The following ROBO2 variants were observed in gnomAD, a reference collection of about 807,000 sequenced individuals.
ROBO2 encodes the protein roundabout homolog 2.
In ROBO2, 53 loss-of-function variants were observed where a neutral mutation model predicts 160.8. That is an observed-to-expected ratio of 0.33 (90% CI 0.26 to 0.41). The LOEUF (loss-of-function observed/expected upper bound fraction) is 0.41, where lower values mean the gene tolerates loss of function less well. Ranked by LOEUF, ROBO2 falls within the 10% of genes least tolerant of loss-of-function variation. The pLI is 1.00. For missense variants in ROBO2, 1,577 were observed against 1,722.4 expected, an observed-to-expected ratio of 0.92 and a Z score of 1.49; for synonymous variants, 664 against 611.7, an observed-to-expected ratio of 1.09 and a Z score of -1.26.
chr3:77,416,313 C>T (rs559376523), intron 2 of ROBO2, among the ~76,000 whole-genome samples: 12 of 152,104 alleles, frequency 7.9e-5, no homozygotes, highest in Non-Finnish European at 1.5e-4. Context: ...TAAGGAAGTT[C>T]TTACTCTGGT....
At chr3:77,096,105 A>C (rs562217131) in intron 1 of ROBO2, among the ~76,000 whole-genome samples, 53 of 152,304 alleles carry the variant, frequency 3.5e-4, no homozygotes, top group African/African-American at 1.3e-3. Context: ...ACATTAAAAC[A>C]TGTATTTTCA....
intron 2 of ROBO2, among the ~76,000 whole-genome samples, chr3:76,843,710 G>A (rs1022248134): frequency 1.3e-5 from 2 of 151,872 alleles, no homozygotes; most frequent in African/African-American, 4.8e-5. Context: ...AGAATCTGGG[G>A]TCGCTCACCA....
intron 2 of ROBO2, among the ~76,000 whole-genome samples, chr3:77,236,933 G>A (rs1472022905): frequency 6.6e-6 from 1 of 152,146 alleles, no homozygotes; most frequent in Non-Finnish European, 1.5e-5. Context: ...GAGTGCAGTG[G>A]TGCAGTCACA....
intron 1 of ROBO2, among the ~76,000 whole-genome samples, chr3:75,928,861 C>CGTGTGTGTGTGTGT (rs60525375): frequency 9.2e-6 from 1 of 109,020 alleles, no homozygotes; most frequent in Non-Finnish European, 1.8e-5. Flanking sequence ...CTGGATAAGA[C>CGTGTGTGTGTGTGT]GTGTGTGTGT....
chr3:77,396,718 G>A (rs759130855), intron 2 of ROBO2, among the ~76,000 whole-genome samples: 4 of 152,080 alleles, frequency 2.6e-5, no homozygotes, highest in African/African-American at 4.8e-5. Context: ...AATGAGGATG[G>A]AGAGTTCAAA....
At chr3:76,685,616 C>T (rs376387577) in intron 2 of ROBO2, among the ~76,000 whole-genome samples, 2 of 152,056 alleles carry the variant, frequency 1.3e-5, no homozygotes, top group African/African-American at 2.4e-5. Flanking sequence ...TTTAAAAACA[C>T]TTTCTAACTA....
At position 76,697,667 on chromosome 3, in the gene ROBO2, T is replaced by A. The variant is rs572865880; in HGVS notation, c.110-400347T>A. On this transcript the variant is annotated intron_variant, in intron 2 of 26. Transcript: ENST00000487694. ...TCTCAAAAAAGAACAAAAATTTACA[T>A]TATAGTAGAAAATGAAAATATTAGA... 8.5e-5 allele frequency among the ~76,000 whole-genome samples: 12 copies of A among 141,270 alleles called. No individual in the cohort carries two copies. In the East Asian group the frequency reaches 2.8e-3, roughly 33 times the overall value. The allele number at this position is 141,270 out of a possible 152,430, so 92.7% of individuals were successfully genotyped here. A position where few individuals can be genotyped will look rare whatever the true frequency, so the allele number is the denominator to read the frequency against.
intron 2 of ROBO2, among the ~76,000 whole-genome samples, chr3:76,155,005 C>T (rs1406844010): frequency 6.6e-6 from 1 of 152,010 alleles, no homozygotes; most frequent in Non-Finnish European, 1.5e-5. Flanking sequence ...TTGAAAATGC[C>T]ATATTAAAGA....
At chr3:76,310,283 G>A (rs1483170397) in intron 2 of ROBO2, among the ~76,000 whole-genome samples, 1 of 152,160 alleles carries the variant, frequency 6.6e-6, no homozygotes, top group East Asian at 1.9e-4. Context: ...TATTTCCATG[G>A]TGATGTACAC....
intron 2 of ROBO2, among the ~76,000 whole-genome samples, chr3:75,996,984 C>T (rs2065748257): frequency 1.3e-5 from 2 of 152,196 alleles, no homozygotes; most frequent in African/African-American, 4.8e-5. Context: ...CAGCACTCTT[C>T]CTTCAGGCTC....
At chr3:77,595,285 G>A in intron 18 of ROBO2, 101 bp downstream of exon 19, 2 of 926,884 alleles carry the variant, frequency 2.2e-6, no homozygotes, top group Admixed American at 2.2e-5. Context: ...TCACTTAAAA[G>A]TCTGAGAATT....
At chr3:76,009,156 G>A (rs569377374) in intron 2 of ROBO2, among the ~76,000 whole-genome samples, 2 of 152,128 alleles carry the variant, frequency 1.3e-5, no homozygotes, top group African/African-American at 2.4e-5. Flanking sequence ...AGGCTGGAGT[G>A]CAGGGGCGCG....
chr3:76,555,020 G>A (rs1560139792), intron 2 of ROBO2, among the ~76,000 whole-genome samples: 1 of 151,412 alleles, frequency 6.6e-6, no homozygotes, highest in African/African-American at 2.4e-5. Flanking sequence ...AAAAAAAAAA[G>A]AACTATATTT....
chr3:76,165,413 T>G (rs2106949840), intron 2 of ROBO2, among the ~76,000 whole-genome samples: 1 of 152,216 alleles, frequency 6.6e-6, no homozygotes, highest in Middle Eastern at 3.4e-3. Flanking sequence ...GGCCTTGCTC[T>G]GGATGAGGCT....
At chr3:77,322,151 G>A (rs547098859) in intron 2 of ROBO2, among the ~76,000 whole-genome samples, 34 of 152,242 alleles carry the variant, frequency 2.2e-4, no homozygotes, top group African/African-American at 7.5e-4. Flanking sequence ...GGCTCCACAC[G>A]TGACTATGAA....
At chr3:76,717,298 A>G (rs911159634) in intron 2 of ROBO2, among the ~76,000 whole-genome samples, 1 of 151,782 alleles carries the variant, frequency 6.6e-6, no homozygotes, top group African/African-American at 2.4e-5. Context: ...TCAAGACCAG[A>G]CTGGCCAAGA....
At chr3:77,094,033 A>C (rs779037177) in intron 1 of ROBO2, among the ~76,000 whole-genome samples, 1 of 152,212 alleles carries the variant, frequency 6.6e-6, no homozygotes, top group Non-Finnish European at 1.5e-5. Context: ...AAAATATAAT[A>C]ATCTTTATTA....
chr3:77,384,715 CAT>C (rs2073919325), intron 2 of ROBO2, among the ~76,000 whole-genome samples: 1 of 152,108 alleles, frequency 6.6e-6, no homozygotes, highest in African/African-American at 2.4e-5. Context: ...TTTTAAAACT[CAT>C]ATGACATTTT....
chr3:75,974,968 T>C (rs953287725), intron 2 of ROBO2, among the ~76,000 whole-genome samples: 5 of 151,654 alleles, frequency 3.3e-5, no homozygotes, highest in Middle Eastern at 3.4e-3. Context: ...CTATAACATA[T>C]TTTTAACCTG....
Sources: allele counts gnomAD v4.1 joint callset (sites outside exome capture counted in the v4.1 genomes callset), GRCh38; gene constraint gnomAD v4.1.1; transcripts MANE v1.5; gene names NCBI Gene and HGNC (gene_info 2026-07-23, HGNC 2026-07-21).